ITGA9: variants seen among roughly 807,000 people sequenced by gnomAD.
The protein encoded by ITGA9 is integrin alpha-9.
Under a neutral mutation model 127.8 loss-of-function variants are expected in ITGA9, and 56 were observed. The ratio of observed to expected loss-of-function variants is 0.44; its 90% CI spans 0.35 to 0.55. The LOEUF (loss-of-function observed/expected upper bound fraction) is 0.55, where lower values mean the gene tolerates loss of function less well. Among genes scored for constraint, ITGA9 ranks in the 20% least tolerant of loss-of-function variants. The pLI, the probability that ITGA9 is intolerant of heterozygous loss-of-function variation, is 0.00. For synonymous variants in ITGA9, 508 were observed against 514.5 expected (o/e 0.99, Z 0.17); for missense variants, 1,196 against 1,347.1 (o/e 0.89, Z 1.76).
intron 17 of ITGA9, among the ~76,000 whole-genome samples, chr3:37,673,272 T>A (rs533528926): frequency 8.5e-5 from 13 of 152,124 alleles, no homozygotes; most frequent in Non-Finnish European, 1.9e-4. Flanking sequence ...TACAACCTAT[T>A]CCAAGCTGAG....
rs184538581 is a variant in ITGA9, at chr3:37,815,966, A to G, written c.3010-2925A>G. On this transcript the variant is annotated intron_variant, in intron 27 of 27. Coordinates refer to ENST00000264741, the MANE Select transcript of ITGA9 (RefSeq NM_002207.3). ...AGGTTAGACATAGGCATTTGTGTGG[A>G]AGCAGGGCAGGGTTCTGAGAAAGTA... Among the ~76,000 whole-genome samples the G allele has an allele frequency of 5.3e-5, 8 of 152,216 alleles. 1 individual carries two copies. In the East Asian group the frequency reaches 1.5e-3, roughly 29 times the overall value.
chr3:37,542,710 G>A (rs931903589), intron 15 of ITGA9, 125 bp downstream of exon 15: 1 of 947,536 alleles, frequency 1.1e-6, no homozygotes, highest in Non-Finnish European at 1.7e-6. Context: ...ACAGGGAGGA[G>A]CATATCCATT....
At chr3:37,734,465 C>T (rs772499097) in intron 19 of ITGA9, among the ~76,000 whole-genome samples, 9 of 152,190 alleles carry the variant, frequency 5.9e-5, no homozygotes, top group Non-Finnish European at 8.8e-5. Flanking sequence ...GTGTCTTTCT[C>T]TCTCTAGTGG....
chr3:37,752,158 T>A (rs1346342451), intron 23 of ITGA9, among the ~76,000 whole-genome samples: 1 of 152,220 alleles, frequency 6.6e-6, no homozygotes, highest in Non-Finnish European at 1.5e-5. Flanking sequence ...CTCCTGTGGC[T>A]CCGCCCCTCC....
Position 37,683,871 on chromosome 3 carries a change from T to C in ITGA9, c.1923T>C (p.Asp641=), listed in dbSNP as rs761810338. The part of the protein sequence containing the change: ...LQGKLLLSSM[D]EKTLYLALGA... ...TGTCTATTTTTCGTTACAGTATGGA[T>C]GAGAAAACCCTGTATCTAGCTTTGG... Residue 641 remains aspartate, a synonymous_variant, in exon 18 of 28, where the codon GAT becomes GAC. Transcript: ENST00000264741. 6 of 1,614,076 alleles carry C rather than the reference T, an allele frequency of 3.7e-6. No individual in the cohort carries two copies. The highest frequency in any genetic ancestry group is 5.1e-6 in the Non-Finnish European group (6 of 1,179,988).
At chr3:37,781,288 A>G (rs562921836) in intron 25 of ITGA9, among the ~76,000 whole-genome samples, 18 of 152,168 alleles carry the variant, frequency 1.2e-4, no homozygotes, top group Non-Finnish European at 2.4e-4. Flanking sequence ...CCAGTGGTAA[A>G]TATTTCAGGC....
In ITGA9 at chr3:37,724,706, C is replaced by G. The variant is rs534068613; in HGVS notation, c.2068-8006C>G. 2.6e-4 allele frequency among the ~76,000 whole-genome samples: 39 copies of G among 152,258 alleles called. No individual in the cohort carries two copies. In the South Asian group the frequency reaches 7.7e-3, roughly 30 times the overall value. On this transcript the variant is annotated intron_variant, in intron 18 of 27. Coordinates refer to ENST00000264741, the MANE Select transcript of ITGA9 (RefSeq NM_002207.3). ...AGAGACGGAGTTTCACCATGTTGGC[C>G]AGGCTGGTCTCAAACGCCTGACCTC...
At chr3:37,508,798 A>G (rs1698871710) in intron 8 of ITGA9, among the ~76,000 whole-genome samples, 171 bp downstream of exon 8, 1 of 152,120 alleles carries the variant, frequency 6.6e-6, no homozygotes, top group African/African-American at 2.4e-5. Context: ...TAATCTGTAC[A>G]TTCATGGGAT....
At chr3:37,521,571 G>T (rs1258398189) in intron 11 of ITGA9, among the ~76,000 whole-genome samples, 2 of 152,164 alleles carry the variant, frequency 1.3e-5, no homozygotes, top group Admixed American at 6.5e-5. Context: ...TTCATTTAGG[G>T]TTATTAGCAC....
chr3:37,750,048 C>T (rs553946797), intron 22 of ITGA9, among the ~76,000 whole-genome samples: 2 of 147,442 alleles, frequency 1.4e-5, no homozygotes, highest in Admixed American at 1.4e-4. Context: ...CACTCCATAC[C>T]CCCCCACCAA....
At chr3:37,816,688 C>G (rs1033249301) in intron 27 of ITGA9, among the ~76,000 whole-genome samples, 42 of 152,210 alleles carry the variant, frequency 2.8e-4, no homozygotes, top group African/African-American at 8.9e-4. Context: ...GAAGAGGTTT[C>G]AGGAGAGAAA....
chr3:37,805,235 C>G (rs989337633), intron 27 of ITGA9, among the ~76,000 whole-genome samples: 1 of 151,912 alleles, frequency 6.6e-6, no homozygotes, highest in Non-Finnish European at 1.5e-5. Context: ...TTTTTGTAAA[C>G]ATAGGGTCTC....
At chr3:37,580,447 G>C (rs1699699213) in intron 15 of ITGA9, among the ~76,000 whole-genome samples, 1 of 152,172 alleles carries the variant, frequency 6.6e-6, no homozygotes, top group African/African-American at 2.4e-5. Context: ...GATTCACTTT[G>C]TCCGCTAAGT....
chr3:37,463,646 A>T (rs1410686157), intron 1 of ITGA9, among the ~76,000 whole-genome samples: 1 of 152,198 alleles, frequency 6.6e-6, no homozygotes, highest in Non-Finnish European at 1.5e-5. Context: ...AGACTACATC[A>T]AGAGGAGGCA....
intron 13 of ITGA9, among the ~76,000 whole-genome samples, chr3:37,527,016 T>C (rs577523107): frequency 2.0e-5 from 3 of 152,246 alleles, no homozygotes; most frequent in Admixed American, 6.5e-5. Context: ...TGAGGTTGAA[T>C]GTGAACTCAG....
intron 15 of ITGA9, among the ~76,000 whole-genome samples, chr3:37,582,574 T>G (rs1699719711): frequency 6.6e-6 from 1 of 152,182 alleles, no homozygotes; most frequent in Non-Finnish European, 1.5e-5. Context: ...GTGGCAGGAT[T>G]TTGGATGGTA....
chr3:37,748,956 AAG>A (rs1696545751), intron 22 of ITGA9: 1 of 637,324 alleles, frequency 1.6e-6, no homozygotes, highest in Non-Finnish European at 2.8e-6. Flanking sequence ...AAAAAGAAAA[AAG>A]AAAAATCCTT....
chr3:37,555,348 G>A (rs909965904), intron 15 of ITGA9, among the ~76,000 whole-genome samples: 4 of 138,976 alleles, frequency 2.9e-5, no homozygotes, highest in East Asian at 2.5e-4. Context: ...GAAATGTTCC[G>A]TATCAGCACT....
chr3:37,673,390 G>A (rs1371701002), intron 17 of ITGA9, among the ~76,000 whole-genome samples: 1 of 152,156 alleles, frequency 6.6e-6, no homozygotes, highest in Non-Finnish European at 1.5e-5. Context: ...TAAGCTTCTT[G>A]GGAAGTTCAG....
Sources: gnomAD v4.1 joint callset for allele counts (sites outside exome capture counted in the v4.1 genomes callset) on GRCh38, gnomAD v4.1.1 for gene constraint, MANE v1.5 for transcripts, NCBI Gene and HGNC (gene_info 2026-07-23, HGNC 2026-07-21) for gene names.